The following ERN1 variants were observed in gnomAD, a reference collection of about 807,000 sequenced individuals.
The protein encoded by ERN1 is serine/threonine-protein kinase/endoribonuclease IRE1.
In ERN1, 39 loss-of-function variants were observed where a neutral mutation model predicts 113.1. The ratio of observed to expected loss-of-function variants is 0.34; its 90% CI spans 0.27 to 0.45. The LOEUF (loss-of-function observed/expected upper bound fraction) is 0.45. Among genes scored for constraint, ERN1 ranks in the 20% least tolerant of loss-of-function variants. The pLI is 1.00. For synonymous variants in ERN1, 507 were observed against 515.9 expected, an observed-to-expected ratio of 0.98 and a Z score of 0.23; for missense variants, 976 against 1,274.8, an observed-to-expected ratio of 0.77 and a Z score of 3.57.
chr17:64,112,063 G>A (rs893276048), intron 1 of ERN1, among the ~76,000 whole-genome samples: 7 of 152,096 alleles, frequency 4.6e-5, no homozygotes, highest in South Asian at 2.1e-4. Context: ...TGTTTGGCTC[G>A]TGGTGTTCAA....
intron 1 of ERN1, among the ~76,000 whole-genome samples, chr17:64,113,678 ATT>A (rs1914730714): frequency 7.0e-6 from 1 of 143,312 alleles, no homozygotes; most frequent in Non-Finnish European, 1.5e-5. Flanking sequence ...CCGCCAGGCA[ATT>A]TTTTTGTTTT....
Position 64,054,626 on chromosome 17 carries a change from G to T in ERN1, c.1763+112C>A. The T allele has an allele frequency of 9.9e-7, 1 of 1,010,912 alleles. No individual in the cohort carries two copies. The highest frequency in any genetic ancestry group is 1.5e-6 in the Non-Finnish European group (1 of 685,866). The allele number at this position is 1,010,912 out of a possible 1,614,324, so 62.6% of individuals were successfully genotyped here. ...GCTCCCTGGAGGCCGGACTCCATGCGTCTAGGTCACTGCTTTGACCCTGCT... is the reference window on the plus strand; with the variant it reads ...GCTCCCTGGAGGCCGGACTCCATGCTTCTAGGTCACTGCTTTGACCCTGCT... On this transcript the variant is annotated intron_variant, in intron 14 of 21. Coordinates refer to ENST00000433197, the MANE Select transcript of ERN1 (RefSeq NM_001433.5). The surrounding 1 kb of genome is among the most constrained non-coding windows in gnomAD (Gnocchi z 4.9).
At chr17:64,125,550 G>C (rs1360516191) in intron 1 of ERN1, among the ~76,000 whole-genome samples, 5 of 152,156 alleles carry the variant, frequency 3.3e-5, no homozygotes, top group African/African-American at 1.2e-4. Context: ...GTGCAGTGGT[G>C]TGATCTCAGC....
At chr17:64,082,032 G>C (rs1349717012) in intron 2 of ERN1, among the ~76,000 whole-genome samples, 1 of 152,224 alleles carries the variant, frequency 6.6e-6, no homozygotes, top group African/African-American at 2.4e-5. Context: ...ACATGATTTT[G>C]TATGCAGAAT....
intron 1 of ERN1, among the ~76,000 whole-genome samples, chr17:64,120,305 T>A (rs1236496142): frequency 6.6e-6 from 1 of 152,116 alleles, no homozygotes; most frequent in Admixed American, 6.5e-5. Flanking sequence ...AGAAGAGAGA[T>A]CTGATTTACC....
intron 12 of ERN1, among the ~76,000 whole-genome samples, chr17:64,057,301 T>A (rs1912901101): frequency 2.0e-5 from 3 of 152,236 alleles, no homozygotes; most frequent in Admixed American, 6.5e-5. Flanking sequence ...ATTGTCCTTT[T>A]CTGGGAGGCT....
chr17:64,083,841 C>T (rs1216061046), intron 2 of ERN1, among the ~76,000 whole-genome samples: 1 of 152,176 alleles, frequency 6.6e-6, no homozygotes, highest in African/African-American at 2.4e-5. Flanking sequence ...CTAGGCTAAT[C>T]TAAATCACTT....
intron 1 of ERN1, among the ~76,000 whole-genome samples, chr17:64,119,392 T>G (rs1348530486): frequency 2.1e-5 from 3 of 139,798 alleles, no homozygotes; most frequent in African/African-American, 8.1e-5. Context: ...TTTTTTTTTT[T>G]TTTTTTTTTT....
At chr17:64,124,973 TG>T (rs1220904795) in intron 1 of ERN1, among the ~76,000 whole-genome samples, 10 of 152,114 alleles carry the variant, frequency 6.6e-5, no homozygotes, top group Admixed American at 1.3e-4. Context: ...CTAGGAGGTT[TG>T]GGGGGAAACG....
intron 1 of ERN1, chr17:64,103,078 G>T: frequency 4.7e-6 from 2 of 421,518 alleles, no homozygotes; most frequent in Non-Finnish European, 6.4e-6. Context: ...GTGTCACTCA[G>T]TGGGCTTCAG....
rs2143330817 is a variant in ERN1 at position 64,052,072 on chromosome 17, TAAC to T, written c.2253+705_2253+707del. ...GGTGGAGATACACAGGTATTCATGT[TAAC>T]ATTCTTTCAGCCAGATGCTGTGGCT... is the stretch of plus-strand genomic sequence containing the variant. On this transcript the variant is annotated intron_variant, in intron 17 of 21. Coordinates refer to ENST00000433197, the MANE Select transcript of ERN1 (RefSeq NM_001433.5). 1.3e-5 allele frequency among the ~76,000 whole-genome samples: 2 copies of T among 152,350 alleles called. 1 individual carries two copies. The highest frequency in any genetic ancestry group is 2.9e-5 in the Non-Finnish European group (2 of 68,032).
chr17:64,118,391 T>G (rs1329363815), intron 1 of ERN1, among the ~76,000 whole-genome samples: 2 of 152,200 alleles, frequency 1.3e-5, no homozygotes, highest in Non-Finnish European at 2.9e-5. Context: ...GCTAAAATGA[T>G]TTTACATTTA....
chr17:64,098,446 A>T, intron 1 of ERN1: 2 of 748,280 alleles, frequency 2.7e-6, no homozygotes, highest in Non-Finnish European at 4.9e-6. Flanking sequence ...CTGCCTGCAG[A>T]CAGGCAGGCT....
At chr17:64,089,296 GC>G (rs372004475) in intron 2 of ERN1, among the ~76,000 whole-genome samples, 4 of 121,396 alleles carry the variant, frequency 3.3e-5, no homozygotes, top group African/African-American at 1.3e-4. Flanking sequence ...CCCAGCCTGG[GC>G]AAAAGAGTGA....
At chr17:64,109,702 A>G (rs933358596) in intron 1 of ERN1, among the ~76,000 whole-genome samples, 2 of 152,234 alleles carry the variant, frequency 1.3e-5, no homozygotes, top group Non-Finnish European at 2.9e-5. Context: ...ATTTCACAGG[A>G]AAAGAAATCA....
intron 1 of ERN1, among the ~76,000 whole-genome samples, chr17:64,105,636 T>C (rs539072995): frequency 1.3e-5 from 2 of 152,314 alleles, no homozygotes; most frequent in African/African-American, 2.4e-5. Context: ...ATTACTGTTA[T>C]ATTGCATAAT....
chr17:64,051,821 G>A (rs1004326619), intron 17 of ERN1, among the ~76,000 whole-genome samples: 2 of 152,158 alleles, frequency 1.3e-5, no homozygotes, highest in Non-Finnish European at 2.9e-5. Flanking sequence ...GGACTAATTG[G>A]GGAAATTTGA....
At chr17:64,084,480 C>T (rs1253558371) in intron 2 of ERN1, among the ~76,000 whole-genome samples, 1 of 152,022 alleles carries the variant, frequency 6.6e-6, no homozygotes, top group Admixed American at 6.6e-5. Context: ...GCTGAGTGAC[C>T]TTGGCAAAGT....
intron 2 of ERN1, among the ~76,000 whole-genome samples, chr17:64,093,520 T>C (rs528929586): frequency 5.9e-5 from 9 of 152,316 alleles, no homozygotes; most frequent in African/African-American, 2.2e-4. Context: ...TTCTTATGGT[T>C]CTGGAAGCTG....
Sources: allele counts gnomAD v4.1 joint callset (sites outside exome capture counted in the v4.1 genomes callset), GRCh38; gene constraint gnomAD v4.1.1; non-coding constraint Gnocchi (gnomAD v3.1); transcripts MANE v1.5; gene names NCBI Gene and HGNC (gene_info 2026-07-23, HGNC 2026-07-21).